MRAP: variants seen among roughly 807,000 people sequenced by gnomAD.
MRAP encodes melanocortin 2 receptor accessory protein.
Under a neutral mutation model 8.7 loss-of-function variants are expected in MRAP, and 8 were observed. The ratio of observed to expected loss-of-function variants is 0.92; its 90% CI spans 0.54 to 1.66. The LOEUF (loss-of-function observed/expected upper bound fraction) is 1.66, where lower values mean the gene tolerates loss of function less well. MRAP is among the 40% of genes most tolerant of loss of function. The pLI is 0.00. For synonymous variants in MRAP, 95 were observed against 95.5 expected (o/e 1.00, Z 0.03); for missense variants, 237 against 217.1 (o/e 1.09, Z -0.58).
downstream of MRAP, chr21:32,314,760 A>T: frequency 7.0e-7 from 1 of 1,433,458 alleles, no homozygotes; most frequent in Non-Finnish European, 9.6e-7. Flanking sequence ...AGTTCAATAA[A>T]GTCCTCTCAA....
At position 32,311,755 on chromosome 21, in the gene MRAP, G is replaced by C. The variant is rs764709506; in HGVS notation, c.278G>C (p.Cys93Ser). ...AACCTCCACCTCTGCATCCAGAAGT[G>C]CCTGCCGTGCCACAGGGAACCCCTG... ...GLNLHLCIQK[C>S]LPCHREPLAT... Residue 93 changes from cysteine (C) to serine (S), a missense_variant, in exon 3 of 3, where the codon TGC (cysteine) becomes TCC (serine). Cys to Ser is a moderately radical substitution (Grantham distance 112). Coordinates refer to ENST00000303645, the MANE Select transcript of MRAP (RefSeq NM_001379228.1). 6.2e-7 allele frequency: 1 copy of C among 1,613,982 alleles called. No individual in the cohort carries two copies. Among genetic ancestry groups the C allele is most frequent in the Admixed American group, 1.7e-5 (1 of 60,002 alleles).
chr21:32,309,660 C>G (rs1356999558), intron 2 of MRAP, among the ~76,000 whole-genome samples: 1 of 150,376 alleles, frequency 6.6e-6, no homozygotes, highest in Non-Finnish European at 1.5e-5. Context: ...CCAAGTTGGC[C>G]AGGCCAGTCT....
intron 1 of MRAP, among the ~76,000 whole-genome samples, 166 bp downstream of exon 1, chr21:32,299,243 G>A (rs1330347034): frequency 1.3e-5 from 2 of 152,266 alleles, no homozygotes; most frequent in Non-Finnish European, 2.9e-5. Context: ...GGGGCTGGGA[G>A]AGAAACTGTA....
chr21:32,293,661 T>G (rs1391570267), intron 2 of MRAP, among the ~76,000 whole-genome samples: 1 of 152,226 alleles, frequency 6.6e-6, no homozygotes, highest in Non-Finnish European at 1.5e-5. Flanking sequence ...CAATCTGTAG[T>G]TGTGATGATC....
At chr21:32,296,910 T>C (rs113214537), upstream of MRAP, among the ~76,000 whole-genome samples, 3 of 152,316 alleles carry the variant, frequency 2.0e-5, no homozygotes, top group African/African-American at 7.2e-5. Flanking sequence ...CTGTAGACTT[T>C]ATAAGCACCA....
intron 1 of MRAP, among the ~76,000 whole-genome samples, chr21:32,303,185 T>C (rs190778832): frequency 1.5e-4 from 23 of 152,242 alleles, no homozygotes; most frequent in Non-Finnish European, 2.9e-4. Flanking sequence ...GGTTTCACCA[T>C]GTTGGCCAGG....
At position 32,309,565 on chromosome 21, in the gene MRAP, C is replaced by G. The variant is rs562663050; in HGVS notation, c.207-2119C>G. 2.0e-5 allele frequency among the ~76,000 whole-genome samples: 3 copies of G among 150,772 alleles called. No individual in the cohort carries two copies. In the South Asian group the frequency reaches 6.3e-4, roughly 32 times the overall value. ...CTCCCAAGTTCAAGCTATTCTCTTG[C>G]CTCAGCCTCCCGAGTAGCTGGGATT... On this transcript the variant is annotated intron_variant, in intron 2 of 2. Coordinates refer to ENST00000303645, the MANE Select transcript of MRAP (RefSeq NM_001379228.1).
chr21:32,309,665 C>T (rs2032507757), intron 2 of MRAP, among the ~76,000 whole-genome samples: 1 of 150,380 alleles, frequency 6.6e-6, no homozygotes. Flanking sequence ...TTGGCCAGGC[C>T]AGTCTCAAAC....
At chr21:32,299,807 C>T (rs2032216752) in intron 1 of MRAP, among the ~76,000 whole-genome samples, 2 of 152,178 alleles carry the variant, frequency 1.3e-5, no homozygotes, top group African/African-American at 4.8e-5. Context: ...TGCCAACATA[C>T]GTTTAATCTT....
In MRAP at chr21:32,311,917, C is replaced by T; in HGVS notation, c.440C>T (p.Thr147Ile). The T allele has an allele frequency of 6.2e-7, 1 of 1,613,844 alleles. No individual in the cohort carries two copies. Residue 147 changes from threonine to isoleucine, a missense_variant, in exon 3 of 3, where the codon ACC becomes ATC. Thr to Ile is a moderately conservative substitution (Grantham distance 89). Coordinates refer to ENST00000303645, the MANE Select transcript of MRAP (RefSeq NM_001379228.1). The part of the protein sequence containing the change: ...QTHPTLLWEL[T>I]LNGGPLVRSK... ...CACCCCACTCTCCTCTGGGAACTGA[C>T]CCTCAATGGGGGTCCCCTCGTCAGG...
upstream of MRAP, among the ~76,000 whole-genome samples, chr21:32,295,553 C>G (rs1023287604): frequency 1.3e-5 from 2 of 152,178 alleles, no homozygotes; most frequent in African/African-American, 4.8e-5. Flanking sequence ...TTGATGTTTG[C>G]CCGACACTCC....
intron 1 of MRAP, among the ~76,000 whole-genome samples, chr21:32,302,288 A>G (rs896557670): frequency 6.6e-6 from 1 of 152,236 alleles, no homozygotes; most frequent in Non-Finnish European, 1.5e-5. Context: ...TCATAAATAA[A>G]CTATCTCACA....
intron 2 of MRAP, chr21:32,311,346 T>A (rs1308716408): frequency 3.3e-6 from 1 of 301,982 alleles, no homozygotes; most frequent in Admixed American, 4.6e-5. Flanking sequence ...GCTTGGGCTA[T>A]GGATATAAAA....
upstream of MRAP, among the ~76,000 whole-genome samples, chr21:32,297,905 C>G (rs926692635): frequency 6.6e-6 from 1 of 152,330 alleles, no homozygotes; most frequent in East Asian, 1.9e-4. Flanking sequence ...TCAGCAAAAC[C>G]AGCGGAGGGG....
chr21:32,300,391 GCA>G (rs2032233708), intron 1 of MRAP, among the ~76,000 whole-genome samples: 2 of 148,882 alleles, frequency 1.3e-5, no homozygotes, highest in East Asian at 2.0e-4. Context: ...GGGGCGTCAC[GCA>G]TCCTATGTCG....
chr21:32,306,439 A>C (rs1211512250), intron 1 of MRAP: 5 of 636,736 alleles, frequency 7.9e-6, no homozygotes, highest in Non-Finnish European at 1.4e-5. Flanking sequence ...TGCCCTGAGG[A>C]AAAAGACACT....
intron 2 of MRAP, among the ~76,000 whole-genome samples, chr21:32,307,525 C>T (rs1320579424): frequency 2.1e-5 from 3 of 145,690 alleles, no homozygotes; most frequent in Non-Finnish European, 3.0e-5. Flanking sequence ...TGCAGTGAGC[C>T]GAGACTGTGC....
chr21:32,307,068 C>T (rs2032437803), intron 2 of MRAP, among the ~76,000 whole-genome samples: 1 of 152,188 alleles, frequency 6.6e-6, no homozygotes, highest in Admixed American at 6.5e-5. Flanking sequence ...CTGATCCATG[C>T]TGCAACATGC....
At chr21:32,313,905 T>C (rs191999663), downstream of MRAP, 28 of 152,782 alleles carry the variant, frequency 1.8e-4, no homozygotes, top group Non-Finnish European at 3.4e-4. Context: ...CAGGCCTATG[T>C]GGAGCAAAAA....
Sources: gnomAD v4.1 joint callset for allele counts (sites outside exome capture counted in the v4.1 genomes callset) on GRCh38, gnomAD v4.1.1 for gene constraint, MANE v1.5 for transcripts, NCBI Gene and HGNC (gene_info 2026-07-23, HGNC 2026-07-21) for gene names.